Variants in OR1J2 observed in about 807,000 individuals in gnomAD.
OR1J2 encodes the protein olfactory receptor family 1 subfamily J member 2.
For synonymous variants in OR1J2, 142 were observed against 99.7 expected, an observed-to-expected ratio of 1.42 and a Z score of -2.52; for missense variants, 304 against 246.1, an observed-to-expected ratio of 1.24 and a Z score of -1.57.
At chr9:122,539,853 C>A in the OR1J2 span, among the ~76,000 whole-genome samples, 46 of 152,284 alleles carry the variant, frequency 3.0e-4, no homozygotes, top group African/African-American at 1.0e-3. Context: ...ATTTGCATTT[C>A]TCTGATGGCC....
chr9:122,490,312 A>G, the OR1J2 span, among the ~76,000 whole-genome samples: 17,683 of 152,096 alleles, frequency 0.12, 1,180 homozygotes, highest in South Asian at 0.17. Context: ...TCCCCATCCA[A>G]TGTGGGGTGG....
At chr9:122,552,539 G>A in the OR1J2 span, among the ~76,000 whole-genome samples, 25 of 151,966 alleles carry the variant, frequency 1.6e-4, no homozygotes, top group Admixed American at 1.4e-3. Flanking sequence ...ATTTGTATGC[G>A]TGTGTGTGGG....
the OR1J2 span, among the ~76,000 whole-genome samples, chr9:122,454,944 A>G: frequency 1.3e-5 from 2 of 152,228 alleles, no homozygotes; most frequent in Non-Finnish European, 2.9e-5. Flanking sequence ...AGTTTTGGAT[A>G]TTTTATACAA....
the OR1J2 span, among the ~76,000 whole-genome samples, chr9:122,525,105 A>G: frequency 1.3e-5 from 2 of 152,184 alleles, no homozygotes; most frequent in Non-Finnish European, 2.9e-5. Context: ...CTCTGGTTAC[A>G]TGACGATGCC....
the OR1J2 span, among the ~76,000 whole-genome samples, chr9:122,474,256 C>T: frequency 6.6e-6 from 1 of 152,166 alleles, no homozygotes; most frequent in East Asian, 1.9e-4. Context: ...GTTGGCCCAG[C>T]AATTTGAGAT....
At chr9:122,533,502 G>A in the OR1J2 span, among the ~76,000 whole-genome samples, 202 of 152,150 alleles carry the variant, frequency 1.3e-3, no homozygotes, top group African/African-American at 4.7e-3. Flanking sequence ...GAGATAGAAG[G>A]GGAGGAAGTG....
chr9:122,546,313 G>A, the OR1J2 span, among the ~76,000 whole-genome samples: 1 of 152,172 alleles, frequency 6.6e-6, no homozygotes, highest in African/African-American at 2.4e-5. Context: ...CCTATTGAGA[G>A]ACAGAGCTTA....
At chr9:122,571,049 C>A in the OR1J2 span, among the ~76,000 whole-genome samples, 1 of 152,184 alleles carries the variant, frequency 6.6e-6, no homozygotes, top group Non-Finnish European at 1.5e-5. Flanking sequence ...TACAATCGTG[C>A]ATTGGTGCTA....
the OR1J2 span, among the ~76,000 whole-genome samples, chr9:122,579,622 G>A: frequency 6.6e-6 from 1 of 152,132 alleles, no homozygotes; most frequent in Non-Finnish European, 1.5e-5. Flanking sequence ...TTAGATATTA[G>A]TTGTGATGTT....
At chr9:122,500,803 C>T in the OR1J2 span, among the ~76,000 whole-genome samples, 11 of 152,156 alleles carry the variant, frequency 7.2e-5, no homozygotes, top group Admixed American at 2.6e-4. Context: ...TAGGCTTTGA[C>T]TTTTGAAAGT....
At chr9:122,524,759 C>T in the OR1J2 span, among the ~76,000 whole-genome samples, 4 of 152,138 alleles carry the variant, frequency 2.6e-5, no homozygotes, top group Non-Finnish European at 5.9e-5. Flanking sequence ...TGAATCTGAG[C>T]AGCAGATTTA....
the OR1J2 span, among the ~76,000 whole-genome samples, chr9:122,575,463 A>G: frequency 6.6e-6 from 1 of 152,118 alleles, no homozygotes; most frequent in Admixed American, 6.5e-5. Context: ...CCATTCATTT[A>G]GGTTATCAAA....
chr9:122,566,454 A>G, the OR1J2 span, among the ~76,000 whole-genome samples: 1 of 152,110 alleles, frequency 6.6e-6, no homozygotes, highest in South Asian at 2.1e-4. Flanking sequence ...TAATGTTTTA[A>G]TGTAATGGAT....
chr9:122,501,375 C>T, the OR1J2 span, among the ~76,000 whole-genome samples: 1 of 152,228 alleles, frequency 6.6e-6, no homozygotes, highest in Admixed American at 6.5e-5. Context: ...TTGCTCTTCT[C>T]CCAATCACCA....
the OR1J2 span, among the ~76,000 whole-genome samples, chr9:122,464,937 T>C: frequency 6.6e-6 from 1 of 152,172 alleles, no homozygotes. Context: ...GCACTTTTGG[T>C]TTCAGTTTTG....
the OR1J2 span, among the ~76,000 whole-genome samples, chr9:122,458,983 T>C: frequency 6.6e-6 from 1 of 152,202 alleles, no homozygotes; most frequent in African/African-American, 2.4e-5. Context: ...TCATCCTCCC[T>C]ACCCTTTGCA....
At chr9:122,473,650 C>T in the OR1J2 span, among the ~76,000 whole-genome samples, 2 of 151,930 alleles carry the variant, frequency 1.3e-5, no homozygotes, top group Non-Finnish European at 2.9e-5. Context: ...TGTTTTGTTT[C>T]TCTGTTGTCA....
chr9:122,554,285 ATG>A, the OR1J2 span: 2 of 594,380 alleles, frequency 3.4e-6, no homozygotes, highest in Non-Finnish European at 5.5e-6. Context: ...TGAGTTAGGG[ATG>A]TAAAAAAAAA....
chr9:122,559,447 C>T, the OR1J2 span, among the ~76,000 whole-genome samples: 3 of 152,068 alleles, frequency 2.0e-5, no homozygotes, highest in Non-Finnish European at 4.4e-5. Context: ...TTCCTGCTTT[C>T]TCTTGTGGGC....
Sources: gnomAD v4.1 joint callset for allele counts (sites outside exome capture counted in the v4.1 genomes callset) on GRCh38, gnomAD v4.1.1 for gene constraint, MANE v1.5 for transcripts, NCBI Gene and HGNC (gene_info 2026-07-23, HGNC 2026-07-21) for gene names.